Variants in PTPRM observed in about 807,000 individuals in gnomAD.
The protein encoded by PTPRM is receptor-type tyrosine-protein phosphatase mu.
A neutral mutation model predicts 186.7 loss-of-function variants in PTPRM; 47 were observed. The ratio of observed to expected loss-of-function variants is 0.25; its 90% CI spans 0.20 to 0.32. The LOEUF (loss-of-function observed/expected upper bound fraction) is 0.32, where lower values mean the gene tolerates loss of function less well. Ranked by LOEUF, PTPRM falls within the 10% of genes least tolerant of loss-of-function variation. PTPRM has a pLI of 1.00. For synonymous variants in PTPRM, 668 were observed against 674.9 expected, an observed-to-expected ratio of 0.99 and a Z score of 0.16; for missense variants, 1,494 against 1,865.0, an observed-to-expected ratio of 0.80 and a Z score of 3.66.
At chr18:7,981,150 C>A (rs2082528990) in intron 7 of PTPRM, among the ~76,000 whole-genome samples, 1 of 152,138 alleles carries the variant, frequency 6.6e-6, no homozygotes, top group Admixed American at 6.5e-5. Context: ...TTCTACTACT[C>A]CTACCTCTCT....
At position 8,379,208 on chromosome 18, in the gene PTPRM, C is replaced by T. The variant is rs1174534955; in HGVS notation, c.3654C>T (p.Cys1218=). The change falls in exon 28 of 33, where the codon TGC becomes TGT. Residue 1218 remains cysteine (C), a synonymous_variant. Coordinates refer to ENST00000580170, the MANE Select transcript of PTPRM (RefSeq NM_001105244.2). ...MVTPTLRVED[C]SIALLPRNHE... ...CACCAACGCTGCGAGTAGAGGACTG[C>T]AGCATCGCACTGTTGCCCCGGAACC... is the stretch of plus-strand genomic sequence containing the variant. 2.5e-6 allele frequency: 4 copies of T among 1,613,430 alleles called. No individual in the cohort carries two copies. The highest frequency in any genetic ancestry group is 3.4e-6 in the Non-Finnish European group (4 of 1,179,692).
At chr18:8,344,448 G>GTATATATATATATA (rs1207996603) in intron 23 of PTPRM, among the ~76,000 whole-genome samples, 522 of 33,262 alleles carry the variant, frequency 0.016, 2 homozygotes, top group Non-Finnish European at 0.04. Context: ...GTGTGTGTGT[G>GTATATATATATATA]TATATATATA....
chr18:8,077,465 A>G (rs186596072), intron 9 of PTPRM, among the ~76,000 whole-genome samples: 18 of 152,276 alleles, frequency 1.2e-4, no homozygotes, highest in Admixed American at 5.9e-4. Context: ...ACACACAAAA[A>G]TTAATTCAAA....
chr18:8,224,767 CCA>C (rs1479840146), intron 14 of PTPRM, among the ~76,000 whole-genome samples: 1 of 152,204 alleles, frequency 6.6e-6, no homozygotes, highest in East Asian at 1.9e-4. Context: ...TAGAATTCCC[CCA>C]CATTCCAAAC....
chr18:8,098,281 A>G (rs956454422), intron 11 of PTPRM, among the ~76,000 whole-genome samples: 2 of 152,228 alleles, frequency 1.3e-5, no homozygotes, highest in African/African-American at 4.8e-5. Context: ...ATATAAAAAT[A>G]TAATCAGAAA....
In PTPRM at chr18:7,815,949, G is replaced by A. The variant is rs138683562; in HGVS notation, c.196+41678G>A. Among the ~76,000 whole-genome samples, 152 of 152,296 alleles carry A rather than the reference G, an allele frequency of 1.0e-3. 1 individual carries two copies. In the East Asian group the frequency reaches 0.011, roughly 11 times the overall value. ...TCCACATTGTTTGAAGGACATCAGC[G>A]TATGTTCTGTCCTCTCCCTTTGAAG... On this transcript the variant is annotated intron_variant, in intron 2 of 32. Coordinates refer to ENST00000580170, the MANE Select transcript of PTPRM (RefSeq NM_001105244.2).
At chr18:8,022,559 A>G (rs1282759706) in intron 7 of PTPRM, among the ~76,000 whole-genome samples, 1 of 152,210 alleles carries the variant, frequency 6.6e-6, no homozygotes, top group Non-Finnish European at 1.5e-5. Flanking sequence ...ACAGTCACCT[A>G]GACAGAAACC....
intron 5 of PTPRM, among the ~76,000 whole-genome samples, chr18:7,934,374 A>G (rs987619478): frequency 7.2e-5 from 11 of 152,180 alleles, no homozygotes; most frequent in African/African-American, 1.7e-4. Flanking sequence ...GAGCTACGCA[A>G]TCGTGAAAAA....
intron 7 of PTPRM, among the ~76,000 whole-genome samples, chr18:8,024,642 A>G (rs528676457): frequency 7.3e-4 from 109 of 148,548 alleles, no homozygotes; most frequent in African/African-American, 2.6e-3. Context: ...ATAAGACTGT[A>G]CTTTTCACAC....
chr18:8,379,829 T>C (rs2095720647), intron 28 of PTPRM, among the ~76,000 whole-genome samples: 1 of 152,150 alleles, frequency 6.6e-6, no homozygotes, highest in African/African-American at 2.4e-5. Flanking sequence ...TGTCATATCA[T>C]AAAAGGTACC....
At chr18:8,392,418 AT>A (rs548845179) in intron 31 of PTPRM, among the ~76,000 whole-genome samples, 205 of 152,104 alleles carry the variant, frequency 1.3e-3, no homozygotes, top group Admixed American at 2.4e-3. Context: ...AGGTCAGGAG[AT>A]TGAGACTATC....
intron 13 of PTPRM, 81 bp downstream of exon 13, chr18:8,114,908 C>A (rs1355512193): frequency 8.9e-7 from 1 of 1,124,650 alleles, no homozygotes; most frequent in African/African-American, 1.6e-5. Context: ...ACTTTTTGAA[C>A]TGGAACTTAA....
At chr18:8,352,985 T>G (rs1372760533) in intron 23 of PTPRM, among the ~76,000 whole-genome samples, 1 of 152,228 alleles carries the variant, frequency 6.6e-6, no homozygotes, top group Non-Finnish European at 1.5e-5. Flanking sequence ...TCGTTTTTTA[T>G]GGCTATGTAG....
At chr18:8,289,729 G>A (rs980249195) in intron 19 of PTPRM, among the ~76,000 whole-genome samples, 4 of 151,528 alleles carry the variant, frequency 2.6e-5, no homozygotes, top group South Asian at 2.1e-4. Context: ...CAATTGCCGA[G>A]ATCATGATGG....
At position 7,914,818 on chromosome 18, in the gene PTPRM, G is replaced by A. The variant is rs910713322; in HGVS notation, c.547+8235G>A. ...CAGTACCAGGCTGTTCTTTTTGGCA[G>A]CAATTTGCTTCCTTGTTTGTGATGA... On this transcript the variant is annotated intron_variant, in intron 4 of 32. Coordinates refer to ENST00000580170, the MANE Select transcript of PTPRM (RefSeq NM_001105244.2). Among the ~76,000 whole-genome samples, 6 of 152,102 alleles carry A rather than the reference G, an allele frequency of 3.9e-5. No homozygotes were observed. In the East Asian group the frequency reaches 7.7e-4, roughly 20 times the overall value.
At chr18:7,965,842 A>G (rs943382952) in intron 7 of PTPRM, among the ~76,000 whole-genome samples, 1 of 152,108 alleles carries the variant, frequency 6.6e-6, no homozygotes, top group Non-Finnish European at 1.5e-5. Flanking sequence ...CTCTCAGTTT[A>G]TTCGTCCTCA....
chr18:8,063,059 C>A (rs1489714347), intron 7 of PTPRM, among the ~76,000 whole-genome samples: 15 of 150,594 alleles, frequency 1.0e-4, no homozygotes, highest in South Asian at 2.1e-4. Flanking sequence ...CCCCCAGCCT[C>A]GCTGCCGCCT....
rs578093547 is a variant in PTPRM at position 7,609,835 on chromosome 18, A to G, written c.73+41944A>G. Among the ~76,000 whole-genome samples the G allele has an allele frequency of 8.5e-5, 13 of 152,282 alleles. No homozygotes were observed. In the East Asian group the frequency reaches 1.7e-3, roughly 20 times the overall value. On this transcript the variant is annotated intron_variant, in intron 1 of 32. Transcript: ENST00000580170. ...AGTTCCCATGGATTCCTAAAGGTTT[A>G]GGAGGAACTGGCCTCACCAGATGGT...
rs534079517 is a variant in PTPRM at position 7,747,839 on chromosome 18, G to A, written c.74-26310G>A. 5.3e-5 allele frequency among the ~76,000 whole-genome samples: 8 copies of A among 152,252 alleles called. No individual in the cohort carries two copies. The South Asian group carries it at 1.7e-3, about 32-fold the overall frequency. ...GGTTAGGAGTACAACATAAGAATCT[G>A]GGGGGATGAAATGAGGACAGAATTT... On this transcript the variant is annotated intron_variant, in intron 1 of 32. Transcript: ENST00000580170.
Sources: allele counts gnomAD v4.1 joint callset (sites outside exome capture counted in the v4.1 genomes callset), GRCh38; gene constraint gnomAD v4.1.1; transcripts MANE v1.5; gene names NCBI Gene and HGNC (gene_info 2026-07-23, HGNC 2026-07-21).